Variants in TMEM230 observed in about 807,000 individuals in gnomAD.
TMEM230 encodes transmembrane protein 230.
In TMEM230, 10 loss-of-function variants were observed where a neutral mutation model predicts 15.8. That is an observed-to-expected ratio of 0.63 (90% CI 0.39 to 1.07). TMEM230 has a LOEUF of 1.07. TMEM230 is among the 50% of genes least tolerant of loss of function. The pLI is 0.01. For synonymous variants in TMEM230, 67 were observed against 76.9 expected (o/e 0.87, Z 0.68); for missense variants, 165 against 193.3 (o/e 0.85, Z 0.87).
intron 3 of TMEM230, among the ~76,000 whole-genome samples, chr20:5,092,630 C>T (rs533511251): frequency 1.3e-3 from 195 of 151,198 alleles, no homozygotes; most frequent in Non-Finnish European, 2.1e-3. Context: ...GCAGGAGAAT[C>T]GCTTGAACCC....
intron 3 of TMEM230, among the ~76,000 whole-genome samples, chr20:5,076,173 A>G (rs1287982935): frequency 6.6e-6 from 1 of 151,996 alleles, no homozygotes; most frequent in Non-Finnish European, 1.5e-5. Flanking sequence ...GAAGTGTCCT[A>G]AGGGTACTTT....
At chr20:5,092,589 G>A (rs2089541569) in intron 3 of TMEM230, among the ~76,000 whole-genome samples, 1 of 151,994 alleles carries the variant, frequency 6.6e-6, no homozygotes, top group Non-Finnish European at 1.5e-5. Flanking sequence ...GGTGGCACAT[G>A]CCTGTAATCC....
intron 1 of TMEM230, among the ~76,000 whole-genome samples, chr20:5,112,553 TA>T (rs1407532772): frequency 2.0e-5 from 3 of 152,242 alleles, no homozygotes; most frequent in African/African-American, 7.2e-5. Context: ...AAGAGGATTC[TA>T]AAAGACGGGA....
At chr20:5,097,927 T>C (rs2089710861), downstream of TMEM230, among the ~76,000 whole-genome samples, 1 of 148,414 alleles carries the variant, frequency 6.7e-6, no homozygotes, top group African/African-American at 2.5e-5. Context: ...TAATCCCAAA[T>C]ATCTCACCTA....
chr20:5,067,664 G>A (rs995099786), downstream of TMEM230, among the ~76,000 whole-genome samples: 48 of 149,588 alleles, frequency 3.2e-4, no homozygotes, highest in African/African-American at 1.1e-3. Flanking sequence ...GGCTGGTCTC[G>A]AACTCCCGAC....
downstream of TMEM230, among the ~76,000 whole-genome samples, chr20:5,095,980 C>T (rs1038503447): frequency 6.6e-6 from 1 of 152,210 alleles, no homozygotes; most frequent in African/African-American, 2.4e-5. Context: ...TTCACTTTTT[C>T]CAGAGGATTG....
chr20:5,086,311 G>A (rs1201733547), intron 3 of TMEM230, among the ~76,000 whole-genome samples: 2 of 151,636 alleles, frequency 1.3e-5, no homozygotes, highest in African/African-American at 4.8e-5. Flanking sequence ...GCTGAGGCGG[G>A]TGGATCACTT....
chr20:5,111,878 GCT>G, intron 1 of TMEM230: 8 of 726,932 alleles, frequency 1.1e-5, no homozygotes, highest in Non-Finnish European at 1.3e-5. Context: ...ACGGAGTCTC[GCT>G]CTGTCACCCA....
chr20:5,108,096 G>A (rs1374824662), intron 3 of TMEM230, among the ~76,000 whole-genome samples: 1 of 150,594 alleles, frequency 6.6e-6, no homozygotes, highest in Non-Finnish European at 1.5e-5. Flanking sequence ...CTGGGCAACA[G>A]AGCAAGACTA....
intron 4 of TMEM230, 39 bp from the exon 4 acceptor site, chr20:5,100,970 A>C: frequency 3.1e-6 from 5 of 1,608,142 alleles, no homozygotes; most frequent in Non-Finnish European, 4.2e-6. Flanking sequence ...GTACCGTAAG[A>C]GTTACACATT....
At chr20:5,104,074 GA>G (rs372230596) in intron 4 of TMEM230, among the ~76,000 whole-genome samples, 4 of 151,856 alleles carry the variant, frequency 2.6e-5, no homozygotes, top group Non-Finnish European at 4.4e-5. Flanking sequence ...AACTCTGTAG[GA>G]AAAAAAATCT....
At chr20:5,096,016 C>T (rs545521151), downstream of TMEM230, among the ~76,000 whole-genome samples, 7 of 152,354 alleles carry the variant, frequency 4.6e-5, no homozygotes, top group East Asian at 5.8e-4. Context: ...CAGGCCCAGC[C>T]ACATGCTGGT....
In TMEM230 at chr20:5,109,382, C is replaced by G. The variant is rs759587411; in HGVS notation, c.238G>C (p.Val80Leu). The G allele has an allele frequency of 1.9e-6, 3 of 1,613,772 alleles. No individual in the cohort carries two copies. The East Asian group carries it at 6.7e-5, about 36-fold the overall frequency. ...GTGCTGGAGAGCCTTGAATATTTCA[C>G]TTTACTACTGGGGATTCCAGTAGCC... The change falls in exon 3 of 5, where the codon GTG becomes CTG. Residue 80 changes from valine (V) to leucine (L), a missense_variant. Physicochemically the swap from Val to Leu is conservative, Grantham distance 32. Transcript: ENST00000342308.
Position 5,083,053 on chromosome 20 carries a change from G to C in TMEM230, c.223-13704C>G, listed in dbSNP as rs964002234. ...AGCGATTCTCCTGCCTCAGCCTCAA[G>C]AGTAGCTGGGATTACAGGCGTGCAC... On this transcript the variant is annotated intron_variant, in intron 3 of 3. Transcript: ENST00000612323. 2.0e-5 allele frequency among the ~76,000 whole-genome samples: 3 copies of C among 151,356 alleles called. No individual in the cohort carries two copies. The Admixed American group carries it at 2.0e-4, about 10-fold the overall frequency.
chr20:5,063,467 T>C (rs548457683), downstream of TMEM230, among the ~76,000 whole-genome samples: 253 of 151,974 alleles, frequency 1.7e-3, no homozygotes, highest in Non-Finnish European at 3.1e-3. Context: ...TTTGTATTTT[T>C]TGGTGGAGAT....
chr20:5,078,717 G>C (rs1245927862), intron 3 of TMEM230, among the ~76,000 whole-genome samples: 2 of 152,180 alleles, frequency 1.3e-5, no homozygotes, highest in Non-Finnish European at 2.9e-5. Context: ...GGCAAGTCAT[G>C]TGGCGACGCC....
At chr20:5,089,813 T>C (rs941273448) in intron 3 of TMEM230, among the ~76,000 whole-genome samples, 5 of 151,802 alleles carry the variant, frequency 3.3e-5, no homozygotes, top group Middle Eastern at 3.2e-3. Flanking sequence ...AGGTCAGGAG[T>C]TCGAGACCAG....
At chr20:5,059,293 T>C in the TMEM230 span, among the ~76,000 whole-genome samples, 1 of 151,964 alleles carries the variant, frequency 6.6e-6, no homozygotes, top group African/African-American at 2.4e-5. Flanking sequence ...CCAGTTCTCC[T>C]TTATGGAAGT....
intron 3 of TMEM230, among the ~76,000 whole-genome samples, chr20:5,080,831 C>G (rs1309957037): frequency 6.6e-6 from 1 of 152,210 alleles, no homozygotes; most frequent in African/African-American, 2.4e-5. Context: ...TGAGCCACTG[C>G]ACCCAGCCAT....
Sources: gnomAD v4.1 joint callset for allele counts (sites outside exome capture counted in the v4.1 genomes callset) on GRCh38, gnomAD v4.1.1 for gene constraint, MANE v1.5 for transcripts, NCBI Gene and HGNC (gene_info 2026-07-23, HGNC 2026-07-21) for gene names.